The following ZNF618 variants were observed in gnomAD, a reference collection of about 807,000 sequenced individuals.
ZNF618 encodes the protein zinc finger protein 618.
A neutral mutation model predicts 103.0 loss-of-function variants in ZNF618; 34 were observed. The observed-to-expected ratio is 0.33, with a 90% confidence interval of 0.25 to 0.44. The LOEUF is 0.44. Ranked by LOEUF, ZNF618 falls within the 20% of genes least tolerant of loss-of-function variation. The probability of loss-of-function intolerance (pLI) is 1.00; values close to 1 mark genes in which losing one functional copy is unlikely to be tolerated. For synonymous variants in ZNF618, 551 were observed against 542.2 expected (o/e 1.02, Z -0.23); for missense variants, 1,059 against 1,295.4 (o/e 0.82, Z 2.80).
chr9:113,891,091 C>A (rs1035759993), intron 1 of ZNF618, among the ~76,000 whole-genome samples: 2 of 152,028 alleles, frequency 1.3e-5, no homozygotes, highest in Non-Finnish European at 2.9e-5. Flanking sequence ...TGGTTAAATG[C>A]AATGTTTACT....
chr9:113,904,406 TC>T (rs773168147), intron 1 of ZNF618, among the ~76,000 whole-genome samples: 16 of 152,168 alleles, frequency 1.1e-4, no homozygotes, highest in Non-Finnish European at 2.1e-4. Context: ...TTGTATCTCT[TC>T]CTGTTAATTT....
chr9:114,008,501 C>T lies in ZNF618; in HGVS notation c.701C>T (p.Ala234Val), dbSNP rs201298521. ...RADPFDQGVV[A>V]TDEVKEEPPE... ...GACCCCTTCGACCAAGGTGTCGTGG[C>T]CACGGACGAGGTGAAGGAGGAGCCC... Residue 234 changes from alanine to valine, a missense_variant, in exon 9 of 15, where the codon GCC becomes GTC. By Grantham distance (64) the Ala-to-Val change is moderately conservative (BLOSUM62 0). Transcript: ENST00000374126. The T allele has an allele frequency of 1.4e-5, 23 of 1,613,814 alleles. No homozygotes were observed. Among genetic ancestry groups the T allele is most frequent in the Non-Finnish European group, 1.9e-5 (22 of 1,179,854 alleles).
intron 1 of ZNF618, among the ~76,000 whole-genome samples, chr9:113,877,659 G>C (rs1248134112): frequency 1.3e-5 from 2 of 151,730 alleles, no homozygotes; most frequent in Admixed American, 1.3e-4. Flanking sequence ...TTGTGTGTGT[G>C]TGTGTTTTTT....
rs1383698086 is a variant in ZNF618, at chr9:114,026,618, G to A, written c.845-2115G>A. ...GTGCCAAAGGCCTCCTTGCACAGCC[G>A]GCAGACTTGAGCCCTGTCTCATCTC... On this transcript the variant is annotated intron_variant, in intron 10 of 14. Transcript: ENST00000374126. 2.6e-5 allele frequency among the ~76,000 whole-genome samples: 4 copies of A among 152,210 alleles called. No homozygotes were observed. The South Asian group carries it at 6.2e-4, about 24-fold the overall frequency.
At chr9:114,041,356 G>T (rs1226517513) in intron 13 of ZNF618, among the ~76,000 whole-genome samples, 1 of 152,094 alleles carries the variant, frequency 6.6e-6, no homozygotes. Context: ...GTCAATTTTG[G>T]CTTTTGTTGC....
intron 1 of ZNF618, among the ~76,000 whole-genome samples, chr9:113,920,136 C>T (rs1377165751): frequency 6.6e-6 from 1 of 152,176 alleles, no homozygotes; most frequent in Non-Finnish European, 1.5e-5. Flanking sequence ...GTTCATTCTC[C>T]CTTGGGCCTT....
chr9:114,027,603 T>G (rs1257638749), intron 10 of ZNF618, among the ~76,000 whole-genome samples: 1 of 152,192 alleles, frequency 6.6e-6, no homozygotes, highest in Non-Finnish European at 1.5e-5. Context: ...GAGCTTCGCC[T>G]TCTGTGCCAG....
At chr9:113,919,383 A>G (rs571467956) in intron 1 of ZNF618, among the ~76,000 whole-genome samples, 1 of 152,324 alleles carries the variant, frequency 6.6e-6, no homozygotes, top group African/African-American at 2.4e-5. Context: ...ATATTTAATG[A>G]ATTTTTCTTT....
At chr9:114,002,111 C>T (rs1356064900) in intron 5 of ZNF618, 38 bp downstream of exon 5, 11 of 1,579,218 alleles carry the variant, frequency 7.0e-6, no homozygotes, top group Non-Finnish European at 9.5e-6. Context: ...CCAGGGGCCG[C>T]ACCTCCCACT....
intron 1 of ZNF618, among the ~76,000 whole-genome samples, chr9:113,906,363 T>C (rs1363408564): frequency 6.6e-6 from 1 of 152,176 alleles, no homozygotes; most frequent in East Asian, 1.9e-4. Flanking sequence ...TTCTCCTGGC[T>C]GTTCCTCCTT....
At chr9:113,941,699 C>T (rs978693033) in intron 1 of ZNF618, among the ~76,000 whole-genome samples, 3 of 152,028 alleles carry the variant, frequency 2.0e-5, no homozygotes, top group Non-Finnish European at 2.9e-5. Context: ...GGATTTTTTT[C>T]GTCTATGAAA....
chr9:113,971,689 A>G (rs1837980235), intron 2 of ZNF618, among the ~76,000 whole-genome samples: 1 of 152,230 alleles, frequency 6.6e-6, no homozygotes, highest in African/African-American at 2.4e-5. Context: ...AAGAACAGGC[A>G]GGTTTTCCCA....
chr9:113,876,350 G>A lies in ZNF618; in HGVS notation c.-31G>A, dbSNP rs995389827. ...CAGCCCGGCCCGGGAGGAGCAGGAC[G>A]CGCCGGGGCCGCCTCCTCCCGCACG... On this transcript the variant is annotated 5_prime_UTR_variant, in exon 1 of 15. Transcript: ENST00000374126. The A allele has an allele frequency of 1.4e-5, 17 of 1,182,050 alleles. No homozygotes were observed. In the Middle Eastern group the frequency reaches 1.0e-3, roughly 71 times the overall value. 73.2% of individuals were successfully genotyped at this position (1,182,050 alleles called of 1,614,324 possible).
intron 1 of ZNF618, among the ~76,000 whole-genome samples, chr9:113,950,332 G>GTC (rs1835445141): frequency 1.3e-5 from 2 of 152,320 alleles, no homozygotes; most frequent in South Asian, 4.1e-4. Flanking sequence ...TGCTGGCTGT[G>GTC]TCTCTCATTG....
At chr9:114,010,793 C>T (rs932123430) in intron 9 of ZNF618, among the ~76,000 whole-genome samples, 2 of 152,178 alleles carry the variant, frequency 1.3e-5, no homozygotes, top group African/African-American at 4.8e-5. Context: ...TGTGACCTCC[C>T]CGTTGAGTAT....
chr9:114,041,369 T>A, intron 13 of ZNF618, among the ~76,000 whole-genome samples: 1 of 152,208 alleles, frequency 6.6e-6, no homozygotes, highest in East Asian at 1.9e-4. Flanking sequence ...TTTGTTGCCA[T>A]TGCTTTTGGT....
intron 1 of ZNF618, among the ~76,000 whole-genome samples, chr9:113,918,742 A>G (rs1832356194): frequency 6.6e-6 from 1 of 151,998 alleles, no homozygotes; most frequent in Non-Finnish European, 1.5e-5. Context: ...AGTCCCTGTC[A>G]TTCTTTGAGC....
At chr9:114,005,954 T>C (rs969429420) in intron 6 of ZNF618, among the ~76,000 whole-genome samples, 2 of 152,206 alleles carry the variant, frequency 1.3e-5, no homozygotes, top group East Asian at 3.9e-4. Flanking sequence ...ATGATTCTGG[T>C]ATCCAGCATC....
chr9:114,047,851 C>T (rs764091076), intron 13 of ZNF618, 42 bp from the exon 14 acceptor site: 1 of 1,542,482 alleles, frequency 6.5e-7, no homozygotes, highest in Non-Finnish European at 8.8e-7. Flanking sequence ...CAACAGGCCT[C>T]TTACCCTTCC....
Sources: allele counts gnomAD v4.1 joint callset (sites outside exome capture counted in the v4.1 genomes callset), GRCh38; gene constraint gnomAD v4.1.1; transcripts MANE v1.5; gene names NCBI Gene and HGNC (gene_info 2026-07-23, HGNC 2026-07-21).